RTKN2: variants seen among roughly 807,000 people sequenced by gnomAD.
RTKN2 encodes rhotekin 2.
A neutral mutation model predicts 71.5 loss-of-function variants in RTKN2; 69 were observed. The ratio of observed to expected loss-of-function variants is 0.96; its 90% confidence interval spans 0.79 to 1.18. The LOEUF is 1.18. Among genes scored for constraint, RTKN2 ranks in the 50% most tolerant of loss-of-function variants. The probability of loss-of-function intolerance (pLI) is 0.00; values close to 1 mark genes in which losing one functional copy is unlikely to be tolerated. For missense variants in RTKN2, 724 were observed against 719.7 expected, an observed-to-expected ratio of 1.01 and a Z score of -0.07; for synonymous variants, 236 against 236.5, an observed-to-expected ratio of 1.00 and a Z score of 0.02.
At position 62,184,818 on chromosome 10, in the gene RTKN2, C is replaced by T. The variant is rs117903065; in HGVS notation, c.862-431G>A. ...TATTTATATTTTATAATTTCTTAAC[C>T]AAGATCTCAAATAAGAACTAAGTAA... On this transcript the variant is annotated intron_variant, in intron 8 of 8. Transcript: ENST00000315289. Among the ~76,000 whole-genome samples the T allele has an allele frequency of 1.8e-3, 278 of 152,228 alleles. 11 individuals carry two copies. The East Asian group carries it at 0.049, about 27-fold the overall frequency.
At chr10:62,256,323 G>A (rs144654597) in intron 2 of RTKN2, among the ~76,000 whole-genome samples, 2 of 152,160 alleles carry the variant, frequency 1.3e-5, no homozygotes, top group South Asian at 2.1e-4. Context: ...ATTCCTTGCC[G>A]AGGCTCTTCT....
chr10:62,216,307 A>G (rs1406987308), intron 9 of RTKN2, among the ~76,000 whole-genome samples: 1 of 152,076 alleles, frequency 6.6e-6, no homozygotes, highest in Non-Finnish European at 1.5e-5. Flanking sequence ...AAAGACAAGC[A>G]AAGTAGAACA....
Position 62,193,210 on chromosome 10 carries a change from C to T in RTKN2, c.*4698G>A, listed in dbSNP as rs1841252065. On this transcript the variant is annotated 3_prime_UTR_variant, in exon 12 of 12. Transcript: ENST00000373789. The stretch of plus-strand genomic sequence containing the variant: ...CAAAAAGTATTCATTTTCAACAAAA[C>T]AATTTATTTTGATATCTTGAACCAT... 1 of 895,270 alleles carries T rather than the reference C, an allele frequency of 1.1e-6. No individual in the cohort carries two copies. The highest frequency in any genetic ancestry group is 1.8e-5 in the African/African-American group (1 of 55,304). 55.5% of individuals were successfully genotyped at this position (895,270 alleles called of 1,614,324 possible).
chr10:62,196,831 T>G lies in RTKN2; in HGVS notation c.*1077A>C, dbSNP rs952702882. ...ATAAAAAATGGATTTTTTGTTCCTT[T>G]AAGGTATTTTTCTGCTATTTATTCC... is the stretch of plus-strand genomic sequence containing the variant. On this transcript the variant is annotated 3_prime_UTR_variant, in exon 12 of 12. Transcript: ENST00000373789. 1.0e-6 allele frequency: 1 copy of G among 977,854 alleles called. No individual in the cohort carries two copies. The highest frequency in any genetic ancestry group is 1.1e-4 in the East Asian group (1 of 8,780). 60.6% of individuals were successfully genotyped at this position (977,854 alleles called of 1,614,324 possible). A position where few individuals can be genotyped will look rare whatever the true frequency, so the allele number is the denominator to read the frequency against.
intron 6 of RTKN2, among the ~76,000 whole-genome samples, chr10:62,235,231 A>C (rs1842230657): frequency 6.6e-6 from 1 of 152,154 alleles, no homozygotes; most frequent in South Asian, 2.1e-4. Flanking sequence ...ACAAATCAAA[A>C]CAGTATTTTT....
At chr10:62,237,049 A>T (rs1842273508) in intron 5 of RTKN2, among the ~76,000 whole-genome samples, 1 of 151,924 alleles carries the variant, frequency 6.6e-6, no homozygotes. Flanking sequence ...TAGAGATATA[A>T]TGTACTGTAA....
intron 5 of RTKN2, among the ~76,000 whole-genome samples, chr10:62,236,844 A>T (rs185315090): frequency 2.7e-4 from 41 of 152,084 alleles, no homozygotes; most frequent in African/African-American, 9.9e-4. Context: ...GAGGATATTA[A>T]GTTAAATAAG....
At chr10:62,260,271 T>A (rs1842749562) in intron 2 of RTKN2, among the ~76,000 whole-genome samples, 1 of 152,232 alleles carries the variant, frequency 6.6e-6, no homozygotes. Context: ...TTAATAAGTG[T>A]TCTGCAAGCG....
chr10:62,198,661 A>T (rs1489578835), intron 11 of RTKN2, among the ~76,000 whole-genome samples: 1 of 152,086 alleles, frequency 6.6e-6, no homozygotes, highest in Non-Finnish European at 1.5e-5. Context: ...CACATAATAC[A>T]TAGTATATAA....
At chr10:62,202,093 C>T (rs1206057667) in intron 10 of RTKN2, among the ~76,000 whole-genome samples, 2 of 151,982 alleles carry the variant, frequency 1.3e-5, no homozygotes, top group Non-Finnish European at 2.9e-5. Flanking sequence ...CCTTAATTTT[C>T]TCTATCTTTG....
At chr10:62,240,399 A>C (rs1211066287) in intron 4 of RTKN2, among the ~76,000 whole-genome samples, 1 of 152,154 alleles carries the variant, frequency 6.6e-6, no homozygotes, top group Non-Finnish European at 1.5e-5. Flanking sequence ...CTTCAGAAAA[A>C]CTTACTCTCT....
intron 2 of RTKN2, among the ~76,000 whole-genome samples, chr10:62,249,381 T>A (rs1286497833): frequency 7.7e-6 from 1 of 129,628 alleles, no homozygotes; most frequent in Non-Finnish European, 1.6e-5. Flanking sequence ...GGTTGCGGGG[T>A]TGGGGGGTGG....
At chr10:62,193,042 C>A (rs1212573701), downstream of RTKN2, among the ~76,000 whole-genome samples, 1 of 152,094 alleles carries the variant, frequency 6.6e-6, no homozygotes, top group Admixed American at 6.5e-5. Flanking sequence ...CCTCTTACTA[C>A]TATTCTCCCT....
chr10:62,215,505 A>G (rs905571232), intron 9 of RTKN2, among the ~76,000 whole-genome samples: 4 of 152,032 alleles, frequency 2.6e-5, no homozygotes, highest in African/African-American at 9.7e-5. Flanking sequence ...GGACAATTAG[A>G]GCAATTTCTT....
chr10:62,195,822 G>C lies in RTKN2; in HGVS notation c.*2086C>G. 1.6e-5 allele frequency: 16 copies of C among 985,496 alleles called. No homozygotes were observed. Among genetic ancestry groups the C allele is most frequent in the Non-Finnish European group, 1.9e-5 (16 of 830,038 alleles). 61.0% of individuals were successfully genotyped at this position (985,496 alleles called of 1,614,324 possible). A position where few individuals can be genotyped will look rare whatever the true frequency, so the allele number is the denominator to read the frequency against. On this transcript the variant is annotated 3_prime_UTR_variant, in exon 12 of 12. Transcript: ENST00000373789. ...CCGAATAATTTGGTGGGGAGGGGGT[G>C]GTGGTCCTTGCTCAGGCTTTTAAAT... is the stretch of plus-strand genomic sequence containing the variant.
downstream of RTKN2, among the ~76,000 whole-genome samples, chr10:62,190,775 A>T (rs1297215280): frequency 6.6e-6 from 1 of 152,154 alleles, no homozygotes; most frequent in Non-Finnish European, 1.5e-5. Flanking sequence ...TCTGATGCCA[A>T]CTATTCCAGC....
exon 9 of RTKN2, chr10:62,184,231 TC>T (rs1841099368): frequency 1.2e-6 from 1 of 819,756 alleles, no homozygotes; most frequent in South Asian, 1.7e-5. Flanking sequence ...AGACGCGTTG[TC>T]TTTTCCCTCA....
At chr10:62,184,228 T>A (rs915016750) in exon 9 of RTKN2, 4 of 417,274 alleles carry the variant, frequency 9.6e-6, no homozygotes, top group Non-Finnish European at 1.6e-5. Context: ...AGGAGACGCG[T>A]TGTCTTTTCC....
At chr10:62,242,848 C>G (rs1290761841) in intron 3 of RTKN2, among the ~76,000 whole-genome samples, 1 of 152,034 alleles carries the variant, frequency 6.6e-6, no homozygotes, top group Non-Finnish European at 1.5e-5. Flanking sequence ...CCAGGTTGGT[C>G]TCGAACTCCT....
Sources: allele counts gnomAD v4.1 joint callset (sites outside exome capture counted in the v4.1 genomes callset), GRCh38; gene constraint gnomAD v4.1.1; transcripts MANE v1.5; gene names NCBI Gene and HGNC (gene_info 2026-07-23, HGNC 2026-07-21).